HS3ST4: variants seen among roughly 807,000 people sequenced by gnomAD.
The protein encoded by HS3ST4 is heparan sulfate-glucosamine 3-sulfotransferase 4.
HS3ST4 carries 17 observed loss-of-function variants against 29.2 expected under a neutral mutation model. The observed-to-expected ratio is 0.58, with a 90% CI of 0.40 to 0.87. The LOEUF is 0.87. Ranked by LOEUF, HS3ST4 falls within the 40% of genes least tolerant of loss-of-function variation. HS3ST4 has a pLI of 0.00. For missense variants in HS3ST4, 627 were observed against 634.5 expected (o/e 0.99, Z 0.13); for synonymous variants, 314 against 285.7 (o/e 1.10, Z -1.00).
chr16:25,877,968 G>T (rs67966159), intron 1 of HS3ST4, among the ~76,000 whole-genome samples: 30,682 of 152,078 alleles, frequency 0.2, 3,956 homozygotes, highest in Non-Finnish European at 0.3. Context: ...CAGGTAAACA[G>T]GCATTTCTTT....
rs55688033 is a variant in HS3ST4, at chr16:26,056,040, C to CAGAG, written c.735-79536_735-79533dup. Among the ~76,000 whole-genome samples, 62 of 147,952 alleles carry CAGAG rather than the reference C, an allele frequency of 4.2e-4. No individual in the cohort carries two copies. In the South Asian group the frequency reaches 6.6e-3, roughly 16 times the overall value. ...CTAATTTGCATGAGAAAGAGAGAGA[C>CAGAG]AGAGAGAGAGAGAGAGAGAGAGAGA... On this transcript the variant is annotated intron_variant, in intron 1 of 1. Transcript: ENST00000331351.
chr16:26,040,702 A>G (rs1969630114), intron 1 of HS3ST4, among the ~76,000 whole-genome samples: 1 of 152,068 alleles, frequency 6.6e-6, no homozygotes. Context: ...CTTCCAGGAC[A>G]CACAGCTGGT....
chr16:25,884,556 T>TAAG (rs1323695784), intron 1 of HS3ST4, among the ~76,000 whole-genome samples: 1 of 152,226 alleles, frequency 6.6e-6, no homozygotes, highest in Non-Finnish European at 1.5e-5. Flanking sequence ...CTTTTGAGGT[T>TAAG]AAGTACCTTG....
chr16:25,962,881 G>A (rs994352875), intron 1 of HS3ST4, among the ~76,000 whole-genome samples: 1 of 152,098 alleles, frequency 6.6e-6, no homozygotes, highest in African/African-American at 2.4e-5. Context: ...ATTAATGCAT[G>A]TACGATCACT....
At chr16:26,043,743 G>A (rs1046683114) in intron 1 of HS3ST4, among the ~76,000 whole-genome samples, 7 of 152,096 alleles carry the variant, frequency 4.6e-5, no homozygotes, top group East Asian at 1.9e-4. Context: ...CATCCACTCC[G>A]CTATGCTAGT....
intron 1 of HS3ST4, among the ~76,000 whole-genome samples, chr16:26,062,519 AC>A (rs1213108825): frequency 1.3e-5 from 2 of 151,838 alleles, no homozygotes; most frequent in Non-Finnish European, 2.9e-5. Context: ...AGACAGTTGT[AC>A]CTGAACCTTG....
intron 1 of HS3ST4, among the ~76,000 whole-genome samples, chr16:25,747,862 AC>A (rs1180466343): frequency 2.0e-5 from 3 of 151,852 alleles, no homozygotes; most frequent in Non-Finnish European, 4.4e-5. Flanking sequence ...TTCCTAGCTC[AC>A]CCCCTCCTGA....
intron 1 of HS3ST4, among the ~76,000 whole-genome samples, chr16:25,777,491 G>T (rs1282532461): frequency 6.6e-6 from 1 of 152,104 alleles, no homozygotes; most frequent in African/African-American, 2.4e-5. Context: ...ATACAAGGCT[G>T]GGCGCGGTGG....
At chr16:26,115,779 C>A (rs529881128) in intron 1 of HS3ST4, among the ~76,000 whole-genome samples, 1 of 152,012 alleles carries the variant, frequency 6.6e-6, no homozygotes, top group African/African-American at 2.4e-5. Context: ...TCCAAGCAGA[C>A]GATGAGCACC....
chr16:26,040,296 C>CTTT (rs565233563), intron 1 of HS3ST4, among the ~76,000 whole-genome samples: 1 of 135,734 alleles, frequency 7.4e-6, no homozygotes, highest in Non-Finnish European at 1.6e-5. Flanking sequence ...ATCTTTCTTT[C>CTTT]TTTTTTTTTT....
rs1397812313 is a variant in HS3ST4, at chr16:25,969,828, T to C, written c.735-165784T>C. Among the ~76,000 whole-genome samples the C allele has an allele frequency of 2.0e-5, 3 of 152,286 alleles. No individual in the cohort carries two copies. In the East Asian group the frequency reaches 5.8e-4, roughly 29 times the overall value. On this transcript the variant is annotated intron_variant, in intron 1 of 1. Transcript: ENST00000331351. ...TCTGATAAGGAGCAGATGGTCCCCA[T>C]TTCAGATCATCCAGGAGCCTGGGAA...
intron 1 of HS3ST4, among the ~76,000 whole-genome samples, chr16:25,756,111 A>AAC (rs1008972212): frequency 4.1e-5 from 6 of 144,712 alleles, no homozygotes; most frequent in South Asian, 2.3e-4. Flanking sequence ...GTGTTATAGA[A>AAC]ACACACACAC....
At chr16:26,020,808 T>G (rs1969405813) in intron 1 of HS3ST4, among the ~76,000 whole-genome samples, 1 of 152,158 alleles carries the variant, frequency 6.6e-6, no homozygotes, top group Non-Finnish European at 1.5e-5. Flanking sequence ...GGTTCAAGTG[T>G]GAGAAGCCCG....
At chr16:25,861,034 A>C (rs1328478937) in intron 1 of HS3ST4, among the ~76,000 whole-genome samples, 2 of 152,194 alleles carry the variant, frequency 1.3e-5, no homozygotes, top group Non-Finnish European at 2.9e-5. Context: ...AACTCCTATA[A>C]AGAAAAGTAA....
At chr16:25,767,883 G>T (rs186195468) in intron 1 of HS3ST4, among the ~76,000 whole-genome samples, 1 of 152,192 alleles carries the variant, frequency 6.6e-6, no homozygotes, top group Non-Finnish European at 1.5e-5. Context: ...TTTCTTAATG[G>T]TGCCCCAGTC....
In HS3ST4 at chr16:26,134,537, A is replaced by AT. The variant is rs371972727; in HGVS notation, c.735-1071dup. ...GCCACCATGCCCGGCTAATTTTTGT[A>AT]TTTTAGTAGTGATGGGGTTTCACCA... On this transcript the variant is annotated intron_variant, in intron 1 of 1. Transcript: ENST00000331351. Among the ~76,000 whole-genome samples the AT allele has an allele frequency of 3.6e-3, 546 of 151,444 alleles. 4 individuals are homozygous for AT. Among genetic ancestry groups the AT allele is most frequent in the African/African-American group, 0.011 (474 of 41,336 alleles).
chr16:25,785,804 G>A (rs1966856914), intron 1 of HS3ST4, among the ~76,000 whole-genome samples: 1 of 152,188 alleles, frequency 6.6e-6, no homozygotes, highest in Non-Finnish European at 1.5e-5. Flanking sequence ...AAGAGGGGAA[G>A]TGAGTGACAC....
intron 1 of HS3ST4, among the ~76,000 whole-genome samples, chr16:25,715,247 G>T (rs571850592): frequency 6.6e-6 from 1 of 150,756 alleles, no homozygotes; most frequent in Non-Finnish European, 1.5e-5. Context: ...GCGTGAACCC[G>T]GGAAGCGGAG....
chr16:25,942,725 C>A (rs1261020673), intron 1 of HS3ST4, among the ~76,000 whole-genome samples: 1 of 151,228 alleles, frequency 6.6e-6, no homozygotes, highest in Non-Finnish European at 1.5e-5. Context: ...TTCTAGTGAT[C>A]CTTCTGCCTC....
Sources: gnomAD v4.1 joint callset for allele counts (sites outside exome capture counted in the v4.1 genomes callset) on GRCh38, gnomAD v4.1.1 for gene constraint, MANE v1.5 for transcripts, NCBI Gene and HGNC (gene_info 2026-07-23, HGNC 2026-07-21) for gene names.